The following PHF24 variants were observed in gnomAD, a reference collection of about 807,000 sequenced individuals.
PHF24 encodes the protein PHD finger protein 24, also known as Galpha inhibitory interacting protein.
Under a neutral mutation model 42.6 loss-of-function variants are expected in PHF24, and 25 were observed. That is an observed-to-expected ratio of 0.59 (90% CI 0.43 to 0.82). PHF24 has a LOEUF of 0.82. Ranked by LOEUF, PHF24 falls within the 40% of genes least tolerant of loss-of-function variation. The probability of loss-of-function intolerance (pLI) is 0.00; values close to 1 mark genes in which losing one functional copy is unlikely to be tolerated. For missense variants in PHF24, 470 were observed against 538.1 expected (o/e 0.87, Z 1.25); for synonymous variants, 185 against 204.8 (o/e 0.90, Z 0.83).
At chr9:34,854,657 C>G in the PHF24 span, among the ~76,000 whole-genome samples, 1 of 152,056 alleles carries the variant, frequency 6.6e-6, no homozygotes, top group Admixed American at 6.5e-5. Flanking sequence ...GTTATTATGT[C>G]AGTTATTTTG....
At chr9:34,962,991 A>G (rs1462755222) in intron 1 of PHF24, among the ~76,000 whole-genome samples, 1 of 152,204 alleles carries the variant, frequency 6.6e-6, no homozygotes, top group African/African-American at 2.4e-5. Flanking sequence ...AGCCCCATGT[A>G]GTTGTGACTG....
At chr9:34,682,439 G>T in the PHF24 span, among the ~76,000 whole-genome samples, 1 of 151,976 alleles carries the variant, frequency 6.6e-6, no homozygotes, top group African/African-American at 2.4e-5. Context: ...CTGTCTTTCG[G>T]GGGGGTGAAT....
chr9:34,911,468 G>A, the PHF24 span, among the ~76,000 whole-genome samples: 579 of 151,834 alleles, frequency 3.8e-3, 1 homozygote, highest in South Asian at 0.027. Flanking sequence ...TTGGCCGGCC[G>A]GTCTTGAACT....
At chr9:34,969,958 C>T (rs1306496346) in intron 1 of PHF24, among the ~76,000 whole-genome samples, 1 of 152,212 alleles carries the variant, frequency 6.6e-6, no homozygotes, top group East Asian at 1.9e-4. Flanking sequence ...TGGGTCTCGC[C>T]TTCCTTTAGG....
chr9:34,912,779 A>G, the PHF24 span, among the ~76,000 whole-genome samples: 1 of 152,250 alleles, frequency 6.6e-6, no homozygotes, highest in Non-Finnish European at 1.5e-5. Flanking sequence ...GAGTCTCACA[A>G]TTTAGTACAC....
chr9:34,665,992 G>A, the PHF24 span: 2 of 421,668 alleles, frequency 4.7e-6, no homozygotes, highest in Non-Finnish European at 8.6e-6. Context: ...AGGGGGGGCT[G>A]AGAGGGGTCA....
the PHF24 span, among the ~76,000 whole-genome samples, chr9:34,699,536 T>G: frequency 6.6e-6 from 1 of 152,224 alleles, no homozygotes; most frequent in African/African-American, 2.4e-5. Flanking sequence ...ATTAACCCTT[T>G]TTGAGCATGC....
chr9:34,841,792 G>A, the PHF24 span, among the ~76,000 whole-genome samples: 1 of 152,168 alleles, frequency 6.6e-6, no homozygotes, highest in African/African-American at 2.4e-5. Context: ...AGTTGGCGGA[G>A]GTTGCAGTGA....
At chr9:34,797,464 G>C in the PHF24 span, among the ~76,000 whole-genome samples, 5 of 152,148 alleles carry the variant, frequency 3.3e-5, no homozygotes, top group African/African-American at 1.2e-4. Context: ...GCAGATGGAG[G>C]AAGCCAGAAG....
At chr9:34,794,456 G>A in the PHF24 span, among the ~76,000 whole-genome samples, 1 of 152,136 alleles carries the variant, frequency 6.6e-6, no homozygotes, top group East Asian at 1.9e-4. Context: ...ACCAGGAAAA[G>A]CTCAACTTGC....
the PHF24 span, among the ~76,000 whole-genome samples, chr9:34,923,513 G>C: frequency 6.6e-6 from 1 of 152,066 alleles, no homozygotes; most frequent in East Asian, 1.9e-4. Flanking sequence ...ACTTGTTATT[G>C]GCCTACTCAG....
the PHF24 span, among the ~76,000 whole-genome samples, chr9:34,909,010 G>A: frequency 3.8e-4 from 58 of 151,366 alleles, 1 homozygote; most frequent in East Asian, 8.0e-3. Flanking sequence ...CACCATGCCC[G>A]GCTAATTTTT....
chr9:34,702,231 T>C, the PHF24 span, among the ~76,000 whole-genome samples: 7 of 151,980 alleles, frequency 4.6e-5, no homozygotes, highest in South Asian at 1.2e-3. Flanking sequence ...CCTAGAAAGA[T>C]GAAGGAAATG....
At chr9:34,820,458 T>G in the PHF24 span, among the ~76,000 whole-genome samples, 23 of 152,254 alleles carry the variant, frequency 1.5e-4, 2 homozygotes, top group South Asian at 4.6e-3. Context: ...AATGTTTAGC[T>G]TCCCACTTAT....
the PHF24 span, among the ~76,000 whole-genome samples, chr9:34,950,794 A>G: frequency 6.6e-6 from 1 of 152,198 alleles, no homozygotes; most frequent in Non-Finnish European, 1.5e-5. Context: ...CAAAACCCAA[A>G]GCAAACATAA....
At chr9:34,789,342 T>C in the PHF24 span, among the ~76,000 whole-genome samples, 1 of 152,238 alleles carries the variant, frequency 6.6e-6, no homozygotes, top group African/African-American at 2.4e-5. Context: ...TTTCCTTCAA[T>C]AAGTTCTTCT....
At chr9:34,960,685 G>GA (rs1158517362) in intron 1 of PHF24, among the ~76,000 whole-genome samples, 1 of 152,104 alleles carries the variant, frequency 6.6e-6, no homozygotes, top group Middle Eastern at 3.2e-3. Context: ...CATGACCCTG[G>GA]AAAAATCACT....
chr9:34,872,222 ATACTTTAAGTT>A, the PHF24 span, among the ~76,000 whole-genome samples: 13 of 151,000 alleles, frequency 8.6e-5, no homozygotes, highest in African/African-American at 3.2e-4. Context: ...TTTTATTATT[ATACTTTAAGTT>A]TTAGGGTACA....
the PHF24 span, among the ~76,000 whole-genome samples, chr9:34,825,868 C>T: frequency 6.6e-6 from 1 of 152,134 alleles, no homozygotes; most frequent in African/African-American, 2.4e-5. Flanking sequence ...GCACAATTTA[C>T]TGCAAGGAGG....
Sources: allele counts gnomAD v4.1 joint callset (sites outside exome capture counted in the v4.1 genomes callset), GRCh38; gene constraint gnomAD v4.1.1; transcripts MANE v1.5; gene names NCBI Gene and HGNC (gene_info 2026-07-23, HGNC 2026-07-21).